Variants in DSCAML1 observed in about 807,000 individuals in gnomAD.
DSCAML1 encodes the protein cell adhesion molecule DSCAML1.
Under a neutral mutation model 200.5 loss-of-function variants are expected in DSCAML1, and 38 were observed. The observed-to-expected ratio is 0.19, with a 90% CI of 0.15 to 0.25. The LOEUF is 0.25. DSCAML1 is among the 10% of genes least tolerant of loss of function. DSCAML1 has a pLI of 1.00. For missense variants in DSCAML1, 2,223 were observed against 2,858.8 expected, an observed-to-expected ratio of 0.78 and a Z score of 5.07; for synonymous variants, 1,215 against 1,165.0, an observed-to-expected ratio of 1.04 and a Z score of -0.87.
chr11:117,538,020 T>G (rs2050199909), intron 3 of DSCAML1, among the ~76,000 whole-genome samples: 1 of 152,158 alleles, frequency 6.6e-6, no homozygotes, highest in South Asian at 2.1e-4. Flanking sequence ...CAGTTTCCCA[T>G]CCGTAAAAAG....
At chr11:117,812,569 G>C (rs112776148) in intron 1 of DSCAML1, among the ~76,000 whole-genome samples, 17,189 of 151,380 alleles carry the variant, frequency 0.11, 1,032 homozygotes, top group Middle Eastern at 0.15. Context: ...GCCTCTCTTC[G>C]CTTCACTTGG....
At position 117,743,441 on chromosome 11, in the gene DSCAML1, G is replaced by GTCC. The variant is rs1246204084; in HGVS notation, c.511+33347_511+33349dup. ...ACATCCCTCAGTTCTGGACCTCACT[G>GTCC]TCCTGCCCATGCCTGTGTGCACAGG... On this transcript the variant is annotated intron_variant, in intron 3 of 32. Transcript: ENST00000651296. 3.9e-5 allele frequency among the ~76,000 whole-genome samples: 6 copies of GTCC among 152,304 alleles called. No homozygotes were observed. The South Asian group carries it at 1.2e-3, about 32-fold the overall frequency.
chr11:117,799,106 A>G (rs534789306), upstream of DSCAML1, among the ~76,000 whole-genome samples: 55 of 152,282 alleles, frequency 3.6e-4, no homozygotes, highest in African/African-American at 1.2e-3. Context: ...GGAGTGACAG[A>G]GCCCTCACGT....
intron 20 of DSCAML1, among the ~76,000 whole-genome samples, chr11:117,444,470 C>A (rs1281549767): frequency 2.6e-5 from 4 of 152,098 alleles, no homozygotes; most frequent in Admixed American, 6.5e-5. Flanking sequence ...GCTCCTGCAG[C>A]CTGCTCTGGC....
chr11:117,532,160 G>GAAAAAC (rs2050093042), intron 4 of DSCAML1, among the ~76,000 whole-genome samples: 3 of 150,810 alleles, frequency 2.0e-5, no homozygotes, highest in African/African-American at 7.3e-5. Context: ...AAGGGAAAAA[G>GAAAAAC]AGGGTGAGTC....
intron 19 of DSCAML1, among the ~76,000 whole-genome samples, chr11:117,451,678 G>A (rs2048286004): frequency 6.6e-6 from 1 of 152,130 alleles, no homozygotes; most frequent in African/African-American, 2.4e-5. Context: ...AGCCAGGCAT[G>A]GTGGTGTGTG....
Position 117,780,444 on chromosome 11 carries a change from G to A in DSCAML1, c.364+49C>T. 1 of 1,387,038 alleles carries A rather than the reference G, an allele frequency of 7.2e-7. No individual in the cohort carries two copies. The highest frequency in any genetic ancestry group is 2.0e-5 in the South Asian group (1 of 50,176). 85.9% of individuals were successfully genotyped at this position (1,387,038 alleles called of 1,614,324 possible). On this transcript the variant is annotated intron_variant, in intron 2 of 32. Coordinates refer to ENST00000651296, the MANE Select transcript of DSCAML1 (RefSeq NM_020693.4). This position sits in a 1 kb window ranked among gnomAD's most constrained non-coding sequence, Gnocchi z 4.8. ...CCCTCCGAATATCCTCAGAATGACG[G>A]CGCAGCCTCCTCCTGTGCCACTGGG...
Position 117,500,759 on chromosome 11 carries a change from A to G in DSCAML1, c.2359+3086T>C, listed in dbSNP as rs2137267628. 1.3e-5 allele frequency among the ~76,000 whole-genome samples: 2 copies of G among 152,358 alleles called. 1 individual carries two copies. The highest frequency in any genetic ancestry group is 4.1e-4 in the South Asian group (2 of 4,824). On this transcript the variant is annotated intron_variant, in intron 11 of 32. Transcript: ENST00000651296. ...ATCAATGGTATAGACACTCCCCATT[A>G]GAAGCCAACCACAAACGTCCAATCT...
At chr11:117,614,537 G>A (rs769038124) in intron 3 of DSCAML1, among the ~76,000 whole-genome samples, 5 of 152,112 alleles carry the variant, frequency 3.3e-5, no homozygotes, top group African/African-American at 1.2e-4. Flanking sequence ...ACCTCCTCCT[G>A]TTCTTCCTCC....
intron 32 of DSCAML1, among the ~76,000 whole-genome samples, chr11:117,429,648 A>G (rs2047743422): frequency 6.6e-6 from 1 of 152,210 alleles, no homozygotes; most frequent in East Asian, 1.9e-4. Flanking sequence ...TGCTGGGATT[A>G]CAGGCATGAG....
intron 3 of DSCAML1, among the ~76,000 whole-genome samples, chr11:117,633,198 TG>T (rs1004682674): frequency 6.6e-6 from 1 of 151,110 alleles, no homozygotes; most frequent in Non-Finnish European, 1.5e-5. Context: ...CTGAGAAGGG[TG>T]GTTGTCTGGG....
At position 117,780,624 on chromosome 11, in the gene DSCAML1, G is replaced by A. The variant is rs764355620; in HGVS notation, c.233C>T (p.Ala78Val). Residue 78 changes from alanine to valine, a missense_variant, in exon 2 of 33, where the codon GCC becomes GTC. Physicochemically the swap from Ala to Val is moderately conservative, Grantham distance 64 (BLOSUM62 0). Transcript: ENST00000651296. The surrounding 1 kb of genome is among the most constrained non-coding windows in gnomAD (Gnocchi z 4.8). ...GGGGTAGAGCTGCAGCGTCCCGTTG[G>A]CGTGGACGTGCCGGATGTGCGGCAC... ...YDVPHIRHVH[A>V]NGTLQLYPFS... The A allele has an allele frequency of 2.3e-5, 37 of 1,590,086 alleles. No individual in the cohort carries two copies. The South Asian group carries it at 3.4e-4, about 15-fold the overall frequency.
At position 117,430,773 on chromosome 11, in the gene DSCAML1, C is replaced by T. The variant is rs2047771922; in HGVS notation, c.5635G>A (p.Ala1879Thr). ...ACAGCCACGTTTTTGCCCCGGTCCG[C>T]ATCCTGGGGCTTGGGTGGTGAGGCG... ...FTASPPKPQDADRGKNVAVPI... is the reference protein window; with the variant it reads ...FTASPPKPQDTDRGKNVAVPI... The change falls in exon 32 of 33, where the codon GCG (alanine) becomes ACG (threonine). Residue 1879 changes from alanine (A) to threonine (T), a missense_variant. Physicochemically the swap from Ala to Thr is moderately conservative, Grantham distance 58. This residue lies in a region of DSCAML1 where 96 missense variants were observed against 160.7 expected (regional missense o/e 0.60). Transcript: ENST00000651296. 2 of 1,613,998 alleles carry T rather than the reference C, an allele frequency of 1.2e-6. No individual in the cohort carries two copies. Among genetic ancestry groups the T allele is most frequent in the Non-Finnish European group, 1.7e-6 (2 of 1,180,032 alleles).
chr11:117,714,532 G>A (rs993940099), intron 3 of DSCAML1, among the ~76,000 whole-genome samples: 4 of 152,112 alleles, frequency 2.6e-5, no homozygotes, highest in Admixed American at 6.5e-5. Flanking sequence ...GAAAGTTTCC[G>A]CTGGCTGGTG....
Position 117,710,206 on chromosome 11 carries a change from T to A in DSCAML1, c.511+66585A>T, listed in dbSNP as rs114793114. Among the ~76,000 whole-genome samples the A allele has an allele frequency of 3.6e-3, 550 of 152,358 alleles. 8 individuals carry two copies. Among genetic ancestry groups the A allele is most frequent in the African/African-American group, 0.013 (520 of 41,570 alleles). ...CCTTCTCTGCTCACTGAGATGTCCCTGCTAATCATAAAAATCTACGTAGTA... is the reference window on the plus strand; with the variant it reads ...CCTTCTCTGCTCACTGAGATGTCCCAGCTAATCATAAAAATCTACGTAGTA... On this transcript the variant is annotated intron_variant, in intron 3 of 32. Transcript: ENST00000651296.
At chr11:117,636,960 C>T (rs902757045) in intron 3 of DSCAML1, among the ~76,000 whole-genome samples, 1 of 152,008 alleles carries the variant, frequency 6.6e-6, no homozygotes, top group African/African-American at 2.4e-5. Flanking sequence ...TAAAATACAC[C>T]CTGTTCATGA....
At chr11:117,563,159 G>C (rs1450976068) in intron 3 of DSCAML1, among the ~76,000 whole-genome samples, 1 of 152,184 alleles carries the variant, frequency 6.6e-6, no homozygotes, top group Non-Finnish European at 1.5e-5. Flanking sequence ...GGAGTGGAGG[G>C]TGCTTGTAGC....
intron 3 of DSCAML1, among the ~76,000 whole-genome samples, chr11:117,775,589 T>C (rs2055116790): frequency 6.6e-6 from 1 of 151,908 alleles, no homozygotes; most frequent in Admixed American, 6.6e-5. Flanking sequence ...AAAAGGCAAA[T>C]TAATGTCTCA....
intron 3 of DSCAML1, among the ~76,000 whole-genome samples, chr11:117,764,249 C>G (rs2054854365): frequency 6.6e-6 from 1 of 152,188 alleles, no homozygotes; most frequent in South Asian, 2.1e-4. Flanking sequence ...GGGGTCTACA[C>G]AGGTAAGTCT....
Sources: allele counts gnomAD v4.1 joint callset (sites outside exome capture counted in the v4.1 genomes callset), GRCh38; gene constraint gnomAD v4.1.1; regional missense constraint gnomAD v4.1.1; non-coding constraint Gnocchi (gnomAD v3.1); transcripts MANE v1.5; gene names NCBI Gene and HGNC (gene_info 2026-07-23, HGNC 2026-07-21).